The following BAIAP2L1 variants were observed in gnomAD, a reference collection of about 807,000 sequenced individuals.
BAIAP2L1 encodes the protein BAR/IMD domain containing adaptor protein 2 like 1.
In BAIAP2L1, 35 loss-of-function variants were observed where a neutral mutation model predicts 66.3. The observed-to-expected ratio is 0.53, with a 90% confidence interval of 0.40 to 0.70. The LOEUF (loss-of-function observed/expected upper bound fraction) is 0.70, where lower values mean the gene tolerates loss of function less well. Ranked by LOEUF, BAIAP2L1 falls within the 30% of genes least tolerant of loss-of-function variation. The pLI, the probability that BAIAP2L1 is intolerant of heterozygous loss-of-function variation, is 0.00. For missense variants in BAIAP2L1, 622 were observed against 656.9 expected (o/e 0.95, Z 0.58); for synonymous variants, 269 against 248.7 (o/e 1.08, Z -0.77).
intron 1 of BAIAP2L1, among the ~76,000 whole-genome samples, chr7:98,393,064 C>CAT (rs1343410233): frequency 3.7e-5 from 3 of 81,822 alleles, no homozygotes; most frequent in East Asian, 2.4e-4. Flanking sequence ...TATATGTACA[C>CAT]ATATATGTAT....
chr7:98,341,514 T>G (rs917712920), intron 3 of BAIAP2L1, among the ~76,000 whole-genome samples: 19 of 151,960 alleles, frequency 1.3e-4, no homozygotes. Flanking sequence ...AAGACCCCCA[T>G]CTCTAAAAAA....
intron 1 of BAIAP2L1, among the ~76,000 whole-genome samples, chr7:98,385,231 C>G (rs952638149): frequency 5.3e-5 from 8 of 151,734 alleles, no homozygotes; most frequent in Non-Finnish European, 1.0e-4. Context: ...TTATTTGAAC[C>G]CAGGAGGCGG....
At chr7:98,309,517 GCA>G (rs1800794403) in intron 9 of BAIAP2L1, 1 of 152,196 alleles carries the variant, frequency 6.6e-6, no homozygotes, top group Admixed American at 6.5e-5. Context: ...TCACTGGGAT[GCA>G]CAGAGTATTA....
chr7:98,399,551 C>A (rs987565057), intron 1 of BAIAP2L1, among the ~76,000 whole-genome samples: 12 of 152,132 alleles, frequency 7.9e-5, no homozygotes, highest in African/African-American at 2.9e-4. Context: ...ACCAACCAAC[C>A]GACCAACCAT....
chr7:98,366,383 C>T (rs1207795419), intron 1 of BAIAP2L1, among the ~76,000 whole-genome samples: 1 of 152,054 alleles, frequency 6.6e-6, no homozygotes, highest in East Asian at 1.9e-4. Flanking sequence ...CCCTGTGCAC[C>T]AGACTCCGAT....
intron 2 of BAIAP2L1, 49 bp downstream of exon 2, chr7:98,362,306 CAT>C: frequency 7.4e-7 from 1 of 1,346,880 alleles, no homozygotes; most frequent in Non-Finnish European, 1.0e-6. Context: ...AAAATAATTA[CAT>C]ATTTACTGAG....
chr7:98,386,406 T>C, intron 1 of BAIAP2L1: 2 of 1,592,486 alleles, frequency 1.3e-6, no homozygotes, highest in Non-Finnish European at 8.5e-7. Flanking sequence ...CTTGAGACCA[T>C]CAGATGCAAT....
rs1801375189 is a variant in BAIAP2L1, at chr7:98,326,023, T to C, written c.215-5725A>G. Reference sequence around the variant, plus strand: ...AAGCAGCGGGGTGCAATGGCTCACGTCCGTAATCACAGCTCCCAGTTTTGG... The same window carrying C: ...AAGCAGCGGGGTGCAATGGCTCACGCCCGTAATCACAGCTCCCAGTTTTGG... On this transcript the variant is annotated intron_variant, in intron 3 of 13. Coordinates refer to ENST00000005260, the MANE Select transcript of BAIAP2L1 (RefSeq NM_018842.5). Among the ~76,000 whole-genome samples, 3 of 152,316 alleles carry C rather than the reference T, an allele frequency of 2.0e-5. 1 individual carries two copies. In the South Asian group the frequency reaches 6.2e-4, roughly 32 times the overall value.
chr7:98,362,509 G>T, intron 1 of BAIAP2L1, 77 bp from the exon 2 acceptor site: 1 of 1,232,128 alleles, frequency 8.1e-7, no homozygotes, highest in Non-Finnish European at 1.2e-6. Context: ...TCACTGTGTG[G>T]CCCAGGATAG....
chr7:98,337,592 G>A lies in BAIAP2L1; in HGVS notation c.215-17294C>T, dbSNP rs886583836. On this transcript the variant is annotated intron_variant, in intron 3 of 13. Transcript: ENST00000005260. ...ATATTCCAGAGTGCCAGAAAACACT[G>A]GTCAAATAACTGCTACTCCTACAGG... 6.6e-5 allele frequency among the ~76,000 whole-genome samples: 10 copies of A among 152,308 alleles called. No individual in the cohort carries two copies. In the South Asian group the frequency reaches 1.9e-3, roughly 28 times the overall value.
intron 1 of BAIAP2L1, among the ~76,000 whole-genome samples, chr7:98,391,880 A>G (rs1432828776): frequency 6.6e-6 from 1 of 152,072 alleles, no homozygotes; most frequent in African/African-American, 2.4e-5. Flanking sequence ...ACATATCTAC[A>G]AGTTCTAAGT....
intron 1 of BAIAP2L1, among the ~76,000 whole-genome samples, chr7:98,393,055 A>ATG (rs1182888161): frequency 2.8e-5 from 3 of 106,284 alleles, no homozygotes; most frequent in East Asian, 2.2e-4. Context: ...ACGTGTACAT[A>ATG]TATGTACACA....
At chr7:98,384,836 T>A (rs1802849740) in intron 1 of BAIAP2L1, among the ~76,000 whole-genome samples, 2 of 151,870 alleles carry the variant, frequency 1.3e-5, no homozygotes, top group South Asian at 4.2e-4. Flanking sequence ...GTAGCTGGGT[T>A]TACAGGTGCC....
rs1008510871 is a variant in BAIAP2L1, at chr7:98,292,644, A to G, written c.*877T>C. The G allele has an allele frequency of 5.2e-6, 8 of 1,551,564 alleles. No homozygotes were observed. The African/African-American group carries it at 6.8e-5, about 13-fold the overall frequency. On this transcript the variant is annotated 3_prime_UTR_variant, in exon 14 of 14. Coordinates refer to ENST00000005260, the MANE Select transcript of BAIAP2L1 (RefSeq NM_018842.5). ...AAAAACCCGCCCTTCTCCAGGCACCAGAGGTCATCCTGGCTTTACACGTAT... is the reference window on the plus strand; with the variant it reads ...AAAAACCCGCCCTTCTCCAGGCACCGGAGGTCATCCTGGCTTTACACGTAT...
intron 3 of BAIAP2L1, among the ~76,000 whole-genome samples, chr7:98,349,536 G>A (rs1298199676): frequency 1.3e-5 from 2 of 152,106 alleles, no homozygotes; most frequent in African/African-American, 4.8e-5. Context: ...ACACCTGCCA[G>A]CCATTCAGAC....
At chr7:98,300,480 G>T (rs1354504431) in intron 12 of BAIAP2L1, among the ~76,000 whole-genome samples, 6 of 152,240 alleles carry the variant, frequency 3.9e-5, no homozygotes, top group African/African-American at 1.4e-4. Context: ...ATAACAGCAT[G>T]CAGATGACCG....
At chr7:98,323,541 C>T (rs1027591509) in intron 3 of BAIAP2L1, 1 of 152,220 alleles carries the variant, frequency 6.6e-6, no homozygotes, top group Non-Finnish European at 1.5e-5. Flanking sequence ...TAATGTGGAT[C>T]TCTGGGAAGC....
chr7:98,339,312 T>C (rs182102008), intron 3 of BAIAP2L1, among the ~76,000 whole-genome samples: 16 of 152,320 alleles, frequency 1.1e-4, no homozygotes, highest in African/African-American at 3.4e-4. Context: ...GGCCACTCTA[T>C]TGGGTGTGCT....
rs535654668 is a variant in BAIAP2L1, at chr7:98,293,992, T to G, written c.1460+82A>C. The G allele has an allele frequency of 6.6e-4, 971 of 1,475,786 alleles. 8 individuals carry two copies. Among genetic ancestry groups the G allele is most frequent in the Middle Eastern group, 4.1e-3 (21 of 5,176 alleles). 91.4% of individuals were successfully genotyped at this position (1,475,786 alleles called of 1,614,324 possible). A position where few individuals can be genotyped will look rare whatever the true frequency, so the allele number is the denominator to read the frequency against. ...CTTTCTCAGGCTGGACCCCCTGGGC[T>G]GGGCACCGAAGGCCCTTCCGGGGGA... On this transcript the variant is annotated intron_variant, in intron 13 of 13. Coordinates refer to ENST00000005260, the MANE Select transcript of BAIAP2L1 (RefSeq NM_018842.5).
Sources: allele counts gnomAD v4.1 joint callset (sites outside exome capture counted in the v4.1 genomes callset), GRCh38; gene constraint gnomAD v4.1.1; transcripts MANE v1.5; gene names NCBI Gene and HGNC (gene_info 2026-07-23, HGNC 2026-07-21).